CNTNAP1: variants seen among roughly 807,000 people sequenced by gnomAD.
CNTNAP1 encodes the protein contactin associated protein 1.
CNTNAP1 carries 80 observed loss-of-function variants against 161.5 expected under a neutral mutation model. The ratio of observed to expected loss-of-function variants is 0.50; its 90% CI spans 0.41 to 0.60. The LOEUF is 0.60. Among genes scored for constraint, CNTNAP1 ranks in the 20% least tolerant of loss-of-function variants. The pLI is 0.00. For missense variants in CNTNAP1, 1,464 were observed against 1,854.8 expected (o/e 0.79, Z 3.87); for synonymous variants, 695 against 733.1 (o/e 0.95, Z 0.84).
intron 23 of CNTNAP1, among the ~76,000 whole-genome samples, 160 bp from the exon 24 acceptor site, chr17:42,698,458 T>A (rs572574509): frequency 1.3e-4 from 19 of 150,460 alleles, no homozygotes; most frequent in Middle Eastern, 3.4e-3. Flanking sequence ...TGTGTGTGTG[T>A]GTGTGTGTGT....
In CNTNAP1 at chr17:42,696,116, CAAT is replaced by C; in HGVS notation, c.3440_3442del (p.Asn1147del). ...TGACCGATGGCCAGCCCCATAGCATCAATATCACCCGTGTTTACCGGAACCTCT... is the reference window on the plus strand; with the variant it reads ...TGACCGATGGCCAGCCCCATAGCATCATCACCCGTGTTTACCGGAACCTCT... On this transcript the variant is annotated inframe_deletion, in exon 20 of 24. Transcript: ENST00000264638. 1 of 1,614,180 alleles carries C rather than the reference CAAT, an allele frequency of 6.2e-7. No individual in the cohort carries two copies. The highest frequency in any genetic ancestry group is 8.5e-7 in the Non-Finnish European group (1 of 1,180,022).
chr17:42,690,666 G>A, intron 12 of CNTNAP1, 73 bp from the exon 13 acceptor site: 1 of 1,474,274 alleles, frequency 6.8e-7, no homozygotes, highest in Non-Finnish European at 9.4e-7. Context: ...CAGCAGCGGT[G>A]GTGGAGGTGG....
chr17:42,684,091 C>G lies in CNTNAP1; in HGVS notation c.225C>G (p.Asp75Glu). Residue 75 changes from aspartate (D) to glutamate (E), a missense_variant, in exon 3 of 24, where the codon GAC (aspartate) becomes GAG (glutamate). Transcript: ENST00000264638. ...IGDPNPWLQI[D>E]LMKKHRIRAV... ...ATCCGAATCCCTGGCTCCAGATAGA[C>G]TTAATGAAGAAGCACCGGATCCGGG... is the stretch of plus-strand genomic sequence containing the variant. 6.2e-7 allele frequency: 1 copy of G among 1,614,216 alleles called. No individual in the cohort carries two copies. Among genetic ancestry groups the G allele is most frequent in the South Asian group, 1.1e-5 (1 of 91,082 alleles).
chr17:42,687,614 C>A lies in CNTNAP1; in HGVS notation c.1045-106C>A. The A allele has an allele frequency of 1.4e-6, 2 of 1,438,402 alleles. No individual in the cohort carries two copies. The highest frequency in any genetic ancestry group is 1.3e-5 in the South Asian group (1 of 75,136). The allele number at this position is 1,438,402 out of a possible 1,614,324, so 89.1% of individuals were successfully genotyped here. A position where few individuals can be genotyped will look rare whatever the true frequency, so the allele number is the denominator to read the frequency against. ...GTTGGAGATCTCACCCCCGCCAACACCGAAGGAGGGCGGTGACCAGGGTCT... is the reference window on the plus strand; with the variant it reads ...GTTGGAGATCTCACCCCCGCCAACAACGAAGGAGGGCGGTGACCAGGGTCT... On this transcript the variant is annotated intron_variant, in intron 7 of 23. Transcript: ENST00000264638. The surrounding 1 kb of genome is among the most constrained non-coding windows in gnomAD (Gnocchi z 4.7).
In CNTNAP1 at chr17:42,695,804, C is replaced by T. The variant is rs757407429; in HGVS notation, c.3276C>T (p.Ser1092=). ...TCTCCTTCAGCTTCAGCACCAGCTC[C>T]GCCCCTGCTGTCCTGCTCTACGTCA... ...EEVSFSFSTS[S]APAVLLYVSS... The change falls in exon 19 of 24, where the codon TCC becomes TCT. Residue 1092 remains serine (S), a synonymous_variant. Coordinates refer to ENST00000264638, the MANE Select transcript of CNTNAP1 (RefSeq NM_003632.3). 1.2e-4 allele frequency: 186 copies of T among 1,614,118 alleles called. No individual in the cohort carries two copies. Among genetic ancestry groups the T allele is most frequent in the Middle Eastern group, 6.6e-4 (4 of 6,084 alleles).
intron 18 of CNTNAP1, 138 bp from the exon 19 acceptor site, chr17:42,695,383 G>T: frequency 1.4e-6 from 1 of 689,876 alleles, no homozygotes; most frequent in Non-Finnish European, 2.5e-6. Context: ...GGGCTCAAGG[G>T]GACCTAAAAG....
At chr17:42,695,438 G>C in intron 18 of CNTNAP1, 83 bp from the exon 19 acceptor site, 1 of 1,096,436 alleles carries the variant, frequency 9.1e-7, no homozygotes, top group Non-Finnish European at 1.3e-6. Context: ...GTAAGTCTCA[G>C]GATGTGTGTA....
In CNTNAP1 at chr17:42,693,869, C is replaced by CT. The variant is rs986925084; in HGVS notation, c.2992+344dup. ...AGACCCTGTCTCTACAAAAAAAATT[C>CT]TTTTTTTTTTTATGAGATGGAATCT... On this transcript the variant is annotated intron_variant, in intron 18 of 23. Transcript: ENST00000264638. Among the ~76,000 whole-genome samples, 398 of 146,306 alleles carry CT rather than the reference C, an allele frequency of 2.7e-3. 3 individuals carry two copies. Among genetic ancestry groups the CT allele is most frequent in the African/African-American group, 8.9e-3 (356 of 40,054 alleles).
intron 3 of CNTNAP1, 55 bp from the exon 4 acceptor site, chr17:42,684,936 T>C: frequency 6.3e-7 from 1 of 1,576,532 alleles, no homozygotes; most frequent in Non-Finnish European, 8.6e-7. Flanking sequence ...AAAAATAAAA[T>C]AAAAAAAAGA....
intron 1 of CNTNAP1, 99 bp from the exon 2 acceptor site, chr17:42,683,721 TG>T: frequency 8.3e-7 from 1 of 1,204,102 alleles, no homozygotes; most frequent in Non-Finnish European, 1.1e-6. Context: ...GGGCGGGGGT[TG>T]GGGGCACGGA....
intron 8 of CNTNAP1, 114 bp downstream of exon 8, chr17:42,688,095 G>A (rs2053041206): frequency 1.4e-6 from 2 of 1,444,370 alleles, no homozygotes; most frequent in East Asian, 2.3e-5. Flanking sequence ...GGAGTGAAGG[G>A]GGCAGGGCAG....
intron 16 of CNTNAP1, 129 bp downstream of exon 16, chr17:42,692,120 C>G: frequency 1.0e-6 from 1 of 989,508 alleles, no homozygotes; most frequent in South Asian, 1.5e-5. Context: ...GTTGAGATAC[C>G]CTATGTTCTA....
chr17:42,686,477 T>TTTGTTTTTG (rs2053014109), intron 6 of CNTNAP1, among the ~76,000 whole-genome samples: 1 of 87,898 alleles, frequency 1.1e-5, no homozygotes, highest in South Asian at 3.2e-4. Flanking sequence ...CTGTTTTTTT[T>TTTGTTTTTG]TTTTTTTTTT....
At position 42,697,615 on chromosome 17, in the gene CNTNAP1, G is replaced by C. The variant is rs755093115; in HGVS notation, c.3630G>C (p.Leu1210=). 6.2e-7 allele frequency: 1 copy of C among 1,614,168 alleles called. No homozygotes were observed. Among genetic ancestry groups the C allele is most frequent in the East Asian group, 2.2e-5 (1 of 44,890 alleles). Reference sequence around the variant, plus strand: ...ACACCCCAGGTTTCTCAGGCTGCCTGTCTGGTGTTCGATTCAACAACGTGG... The same window carrying C: ...ACACCCCAGGTTTCTCAGGCTGCCTCTCTGGTGTTCGATTCAACAACGTGG... ...RYNTPGFSGC[L]SGVRFNNVAP... is the part of the protein sequence containing the mutation. Residue 1210 remains leucine, a synonymous_variant, in exon 22 of 24, where the codon CTG becomes CTC. Coordinates refer to ENST00000264638, the MANE Select transcript of CNTNAP1 (RefSeq NM_003632.3).
Position 42,692,543 on chromosome 17 carries a change from G to A in CNTNAP1, c.2575G>A (p.Glu859Lys), listed in dbSNP as rs1274680895. The A allele has an allele frequency of 1.9e-6, 3 of 1,614,102 alleles. No individual in the cohort carries two copies. Among genetic ancestry groups the A allele is most frequent in the African/African-American group, 1.3e-5 (1 of 74,924 alleles). The change falls in exon 17 of 24, where the codon GAG (glutamate) becomes AAG (lysine). Residue 859 changes from glutamate (E) to lysine (K), a missense_variant. Transcript: ENST00000264638. Reference protein sequence around the residue: ...VFAFDVGNGDENLTVHSDDFE... With the variant: ...VFAFDVGNGDKNLTVHSDDFE... ...CGCCTTTGATGTGGGGAATGGGGATGAGAACCTCACAGTACACTCAGACGA... is the reference window on the plus strand; with the variant it reads ...CGCCTTTGATGTGGGGAATGGGGATAAGAACCTCACAGTACACTCAGACGA...
In CNTNAP1 at chr17:42,685,338, TC is replaced by T; in HGVS notation, c.634del (p.Leu212CysfsTer12). The T allele has an allele frequency of 6.2e-7, 1 of 1,611,306 alleles. No individual in the cohort carries two copies. The highest frequency in any genetic ancestry group is 8.5e-7 in the Non-Finnish European group (1 of 1,179,990). On this transcript the variant is annotated frameshift_variant, in exon 5 of 24. Coordinates refer to ENST00000264638, the MANE Select transcript of CNTNAP1 (RefSeq NM_003632.3). LOFTEE classifies it high-confidence loss of function. The surrounding 1 kb of genome is among the most constrained non-coding windows in gnomAD (Gnocchi z 5.0). ...SFKTEEKDGL[L>X]LHAEGAQGDY... is the part of the protein sequence containing the mutation. ...TCAAGACCGAGGAGAAGGACGGTCT[TC>T]TGCTGCACGCCGAGGGCGCCCAGGG...
At chr17:42,684,005 T>C (rs2052973208) in intron 2 of CNTNAP1, 31 bp from the exon 3 acceptor site, 2 of 1,613,526 alleles carry the variant, frequency 1.2e-6, no homozygotes, top group Admixed American at 1.7e-5. Context: ...GGGAGAGGGA[T>C]AGCCGGTTAA....
intron 16 of CNTNAP1, 36 bp from the exon 17 acceptor site, chr17:42,692,463 G>A: frequency 1.3e-6 from 2 of 1,571,910 alleles, no homozygotes; most frequent in Non-Finnish European, 1.7e-6. Flanking sequence ...GTAGGTCTGA[G>A]TCCTTTTCTC....
chr17:42,687,713 C>G lies in CNTNAP1; in HGVS notation c.1045-7C>G, dbSNP rs967468182. Reference sequence around the variant, plus strand: ...GGGTGTTGATGCGTCTTCACTTTTGCCCCTAGGGTAAGGTGGCTTTTCGTT... The same window carrying G: ...GGGTGTTGATGCGTCTTCACTTTTGGCCCTAGGGTAAGGTGGCTTTTCGTT... On this transcript the variant is annotated splice_region_variant and splice_polypyrimidine_tract_variant and intron_variant, in intron 7 of 23. Coordinates refer to ENST00000264638, the MANE Select transcript of CNTNAP1 (RefSeq NM_003632.3). This position sits in a 1 kb window ranked among gnomAD's most constrained non-coding sequence, Gnocchi z 4.7. 6.2e-7 allele frequency: 1 copy of G among 1,613,424 alleles called. No homozygotes were observed. The highest frequency in any genetic ancestry group is 1.3e-5 in the African/African-American group (1 of 75,014).
Sources: allele counts gnomAD v4.1 joint callset (sites outside exome capture counted in the v4.1 genomes callset), GRCh38; gene constraint gnomAD v4.1.1; non-coding constraint Gnocchi (gnomAD v3.1); transcripts MANE v1.5; gene names NCBI Gene and HGNC (gene_info 2026-07-23, HGNC 2026-07-21).